Variants in CFDP1 observed in about 807,000 individuals in gnomAD.
CFDP1 encodes heterochromatin-stabilizing protein CFDP1.
Under a neutral mutation model 40.1 loss-of-function variants are expected in CFDP1, and 31 were observed. The ratio of observed to expected loss-of-function variants is 0.77; its 90% CI spans 0.58 to 1.04. The LOEUF is 1.04. CFDP1 is among the 50% of genes least tolerant of loss of function. The pLI is 0.00. For missense variants in CFDP1, 423 were observed against 343.4 expected (o/e 1.23, Z -1.83); for synonymous variants, 167 against 120.0 (o/e 1.39, Z -2.56).
At chr16:75,412,833 A>T (rs750935166) in intron 2 of CFDP1, 79 bp from the exon 3 acceptor site, 5 of 1,156,428 alleles carry the variant, frequency 4.3e-6, no homozygotes, top group Non-Finnish European at 6.4e-6. Context: ...CCCAAAGGTA[A>T]TCTTATAAAC....
chr16:75,411,309 G>A (rs954952223), intron 4 of CFDP1, among the ~76,000 whole-genome samples: 2 of 152,170 alleles, frequency 1.3e-5, no homozygotes, highest in South Asian at 2.1e-4. Context: ...GGAGGCTGAA[G>A]TAGGAGAATT....
intron 5 of CFDP1, among the ~76,000 whole-genome samples, chr16:75,361,824 A>G (rs2078681348): frequency 6.6e-6 from 1 of 152,120 alleles, no homozygotes; most frequent in Admixed American, 6.5e-5. Context: ...GAATTTCTCA[A>G]CGTCTGTTTC....
intron 1 of CFDP1, among the ~76,000 whole-genome samples, chr16:75,431,826 T>C (rs1256310108): frequency 6.6e-6 from 1 of 151,640 alleles, no homozygotes; most frequent in African/African-American, 2.4e-5. Context: ...ACAACAGAAA[T>C]ATAATACCAA....
At chr16:75,320,872 C>T (rs562178903) in intron 5 of CFDP1, among the ~76,000 whole-genome samples, 4 of 152,330 alleles carry the variant, frequency 2.6e-5, no homozygotes, top group African/African-American at 9.6e-5. Context: ...TAGTTTCCCT[C>T]TAAGAATGAA....
intron 5 of CFDP1, among the ~76,000 whole-genome samples, chr16:75,309,613 G>T (rs57565444): frequency 6.6e-6 from 1 of 152,074 alleles, no homozygotes; most frequent in African/African-American, 2.4e-5. Context: ...AAGGTCAGGA[G>T]ATCGAGACCA....
intron 5 of CFDP1, among the ~76,000 whole-genome samples, chr16:75,348,113 T>C (rs111766858): frequency 5.3e-5 from 8 of 152,290 alleles, no homozygotes; most frequent in African/African-American, 1.7e-4. Context: ...GCTGTACCAA[T>C]GTTAATTTCT....
intron 5 of CFDP1, among the ~76,000 whole-genome samples, chr16:75,374,318 A>T (rs951523837): frequency 2.0e-5 from 3 of 152,208 alleles, no homozygotes; most frequent in African/African-American, 7.2e-5. Flanking sequence ...ATAAATGTAT[A>T]GGCAATAAGA....
intron 5 of CFDP1, among the ~76,000 whole-genome samples, chr16:75,322,419 A>C (rs2078371292): frequency 6.6e-6 from 1 of 152,198 alleles, no homozygotes; most frequent in Non-Finnish European, 1.5e-5. Flanking sequence ...GCCCAACATC[A>C]CAGAGTGTAC....
intron 5 of CFDP1, among the ~76,000 whole-genome samples, chr16:75,393,974 G>C (rs1273620870): frequency 1.3e-5 from 2 of 151,962 alleles, no homozygotes; most frequent in East Asian, 3.9e-4. Context: ...AGAATGACAT[G>C]AACCCGGGAG....
chr16:75,399,056 C>CAA (rs58692180), intron 4 of CFDP1, among the ~76,000 whole-genome samples: 34 of 98,018 alleles, frequency 3.5e-4, no homozygotes, highest in Admixed American at 3.8e-4. Context: ...GACTCCGTCT[C>CAA]AAAAAAAAAA....
At chr16:75,327,680 G>A (rs2078412568) in intron 5 of CFDP1, among the ~76,000 whole-genome samples, 1 of 152,066 alleles carries the variant, frequency 6.6e-6, no homozygotes, top group Non-Finnish European at 1.5e-5. Context: ...CCATGCCATG[G>A]CTCAGTAGTG....
intron 5 of CFDP1, among the ~76,000 whole-genome samples, chr16:75,387,603 T>A (rs1218440616): frequency 6.6e-6 from 1 of 152,288 alleles, no homozygotes; most frequent in South Asian, 2.1e-4. Flanking sequence ...CTGGAACAAA[T>A]GGCCACCAGA....
chr16:75,313,592 T>C (rs969735377), intron 5 of CFDP1, among the ~76,000 whole-genome samples: 1 of 152,266 alleles, frequency 6.6e-6, no homozygotes, highest in South Asian at 2.1e-4. Flanking sequence ...GGGTCTCCCA[T>C]AGTGCTGGGA....
chr16:75,311,130 T>C (rs2078290569), intron 5 of CFDP1, among the ~76,000 whole-genome samples: 1 of 152,196 alleles, frequency 6.6e-6, no homozygotes, highest in African/African-American at 2.4e-5. Context: ...CCTTATTTTA[T>C]AGATCAGTCA....
At chr16:75,337,699 A>G (rs1164695020) in intron 5 of CFDP1, among the ~76,000 whole-genome samples, 3 of 152,140 alleles carry the variant, frequency 2.0e-5, no homozygotes, top group Non-Finnish European at 4.4e-5. Flanking sequence ...GGGAGGTGCC[A>G]CACACTTTTA....
intron 3 of CFDP1, among the ~76,000 whole-genome samples, 164 bp downstream of exon 3, chr16:75,412,371 C>T (rs550694965): frequency 1.3e-3 from 196 of 152,298 alleles, no homozygotes; most frequent in Middle Eastern, 6.8e-3. Context: ...CTATTGGAAA[C>T]TTACATGATT....
intron 5 of CFDP1, among the ~76,000 whole-genome samples, chr16:75,317,746 A>G (rs1157749065): frequency 3.3e-5 from 5 of 152,172 alleles, no homozygotes; most frequent in African/African-American, 1.2e-4. Flanking sequence ...TACTGGTTCC[A>G]TATGGCCTCC....
intron 6 of CFDP1, among the ~76,000 whole-genome samples, chr16:75,301,576 C>T (rs3743606): frequency 8.1e-6 from 1 of 122,854 alleles, no homozygotes; most frequent in African/African-American, 3.2e-5. Flanking sequence ...GTAAAGAGAC[C>T]GGGTCTTTCT....
At chr16:75,368,014 G>A (rs570000107) in intron 5 of CFDP1, among the ~76,000 whole-genome samples, 55 of 152,272 alleles carry the variant, frequency 3.6e-4, no homozygotes, top group African/African-American at 1.3e-3. Context: ...TGAGGCAGAA[G>A]AATCGCTTGA....
Sources: gnomAD v4.1 joint callset for allele counts (sites outside exome capture counted in the v4.1 genomes callset) on GRCh38, gnomAD v4.1.1 for gene constraint, MANE v1.5 for transcripts, NCBI Gene and HGNC (gene_info 2026-07-23, HGNC 2026-07-21) for gene names.